The following UBTF variants were observed in gnomAD, a reference collection of about 807,000 sequenced individuals.
UBTF encodes the protein nucleolar transcription factor 1.
A neutral mutation model predicts 112.3 loss-of-function variants in UBTF; 8 were observed. The ratio of observed to expected loss-of-function variants is 0.07; its 90% CI spans 0.04 to 0.13. The LOEUF is 0.13. Among genes scored for constraint, UBTF ranks in the 10% least tolerant of loss-of-function variants. UBTF has a pLI of 1.00. For missense variants in UBTF, 457 were observed against 982.1 expected, an observed-to-expected ratio of 0.47 and a Z score of 7.15; for synonymous variants, 417 against 373.1, an observed-to-expected ratio of 1.12 and a Z score of -1.36.
rs1259814074 is a variant in UBTF, at chr17:44,205,829, T to C, written c.*1413A>G. The C allele has an allele frequency of 1.3e-5, 2 of 152,238 alleles. No individual in the cohort carries two copies. The highest frequency in any genetic ancestry group is 2.9e-5 in the Non-Finnish European group (2 of 68,050). The allele number at this position is 152,238 out of a possible 1,614,324, so 9.4% of individuals were successfully genotyped here. A position where few individuals can be genotyped will look rare whatever the true frequency, so the allele number is the denominator to read the frequency against. On this transcript the variant is annotated 3_prime_UTR_variant, in exon 21 of 21. Coordinates refer to ENST00000436088, the MANE Select transcript of UBTF (RefSeq NM_014233.4). Reference sequence around the variant, plus strand: ...TAAGAACTACAGAGATAAGGTGGCTTGGCTTATTAAGAGTCAAGGAATCAA... The same window carrying C: ...TAAGAACTACAGAGATAAGGTGGCTCGGCTTATTAAGAGTCAAGGAATCAA...
intron 2 of UBTF, among the ~76,000 whole-genome samples, chr17:44,217,062 G>A: frequency 6.6e-6 from 1 of 152,234 alleles, no homozygotes; most frequent in East Asian, 1.9e-4. Flanking sequence ...TGGGAAACGA[G>A]GTAGCTTGTC....
intron 15 of UBTF, 39 bp downstream of exon 15, chr17:44,210,085 A>G (rs760795864): frequency 6.2e-7 from 1 of 1,609,052 alleles, no homozygotes; most frequent in Non-Finnish European, 8.5e-7. Flanking sequence ...GGAGTTCCCG[A>G]GCTTTCAATG....
At position 44,209,335 on chromosome 17, in the gene UBTF, G is replaced by A; in HGVS notation, c.1905+17C>T. ...TGATGCCTCTCTGTTCCTTCCAAGG[G>A]TCCCTTGCCCTCTCACCTTAACCCA... On this transcript the variant is annotated intron_variant, in intron 17 of 20. Transcript: ENST00000436088. 1 of 1,576,036 alleles carries A rather than the reference G, an allele frequency of 6.3e-7. No individual in the cohort carries two copies.
chr17:44,211,190 C>T lies in UBTF; in HGVS notation c.1090-38G>A. The stretch of plus-strand genomic sequence containing the variant: ...GAGGAGCACGGGGCTGCATGCCTGG[C>T]ACCCAGACTGCATGGTGCCCTATCT... On this transcript the variant is annotated intron_variant, in intron 11 of 20. Coordinates refer to ENST00000436088, the MANE Select transcript of UBTF (RefSeq NM_014233.4). The surrounding 1 kb of genome is among the most constrained non-coding windows in gnomAD (Gnocchi z 4.9). 6.2e-7 allele frequency: 1 copy of T among 1,613,044 alleles called. No individual in the cohort carries two copies. Among genetic ancestry groups the T allele is most frequent in the South Asian group, 1.1e-5 (1 of 91,072 alleles).
At chr17:44,219,219 C>T (rs1448039009) in intron 1 of UBTF, 2 of 151,472 alleles carry the variant, frequency 1.3e-5, no homozygotes, top group Non-Finnish European at 3.0e-5. Flanking sequence ...CTGCCGGCTC[C>T]GAGAAGCGCG....
At chr17:44,218,414 TTATTAGACTTAAGGGGTC>T (rs959394145) in intron 1 of UBTF, 118 bp from the exon 2 acceptor site, 8 of 616,902 alleles carry the variant, frequency 1.3e-5, no homozygotes, top group Non-Finnish European at 2.3e-5. Flanking sequence ...AGCCATGACC[TTATTAGACTTAAGGGGTC>T]TATGGGAATG....
At chr17:44,208,210 C>T (rs2056402787) in intron 17 of UBTF, among the ~76,000 whole-genome samples, 1 of 150,458 alleles carries the variant, frequency 6.6e-6, no homozygotes, top group South Asian at 2.1e-4. Context: ...CTCAAGTGAT[C>T]CTTCCAACTC....
chr17:44,207,527 T>C lies in UBTF; in HGVS notation c.2096A>G (p.Asn699Ser). The part of the protein sequence containing the change: ...DEDEEEEDDE[N>S]GDSSEDGGDS... ...GCCGCCATCTTCAGAGGAGTCCCCA[T>C]TCTCATCATCTTCCTCTTCTTCATC... Residue 699 changes from asparagine (N) to serine (S), a missense_variant, in exon 20 of 21, where the codon AAT becomes AGT. Coordinates refer to ENST00000436088, the MANE Select transcript of UBTF (RefSeq NM_014233.4). 1 of 1,614,018 alleles carries C rather than the reference T, an allele frequency of 6.2e-7. No individual in the cohort carries two copies.
rs867735860 is a variant in UBTF, at chr17:44,211,510, C to G, written c.1047+96G>C. On this transcript the variant is annotated intron_variant, in intron 10 of 20. Coordinates refer to ENST00000436088, the MANE Select transcript of UBTF (RefSeq NM_014233.4). The surrounding 1 kb of genome is among the most constrained non-coding windows in gnomAD (Gnocchi z 4.9). ...CCCCACACTGTATTGGAGGCAGGTACCCAAGGCACACGCCACCAGGGACTG... is the reference window on the plus strand; with the variant it reads ...CCCCACACTGTATTGGAGGCAGGTAGCCAAGGCACACGCCACCAGGGACTG... The G allele has an allele frequency of 6.4e-7, 1 of 1,562,272 alleles. No homozygotes were observed. The highest frequency in any genetic ancestry group is 2.2e-5 in the East Asian group (1 of 44,470).
At chr17:44,216,329 A>G in intron 3 of UBTF, 200 bp downstream of exon 3, 1 of 655,576 alleles carries the variant, frequency 1.5e-6, no homozygotes, top group Non-Finnish European at 2.6e-6. Context: ...AAGACCACTC[A>G]GATAGAAAGT....
At position 44,212,647 on chromosome 17, in the gene UBTF, G is replaced by A. The variant is rs2855818; in HGVS notation, c.660+172C>T. The stretch of plus-strand genomic sequence containing the variant: ...CAAGGGGACTGGCTCATACACGCAC[G>A]CACACACGCACACGCTTGCACGCCA... On this transcript the variant is annotated intron_variant, in intron 7 of 20. Transcript: ENST00000436088. Among the ~76,000 whole-genome samples the A allele has an allele frequency of 0.38, 57,900 of 151,866 alleles. 13,188 individuals are homozygous for A. The highest frequency in any genetic ancestry group is 0.69 in the East Asian group (3,526 of 5,110).
chr17:44,207,827 C>T, intron 18 of UBTF, 37 bp downstream of exon 18: 1 of 1,614,162 alleles, frequency 6.2e-7, no homozygotes, highest in Non-Finnish European at 8.5e-7. Context: ...TGAATTCCCC[C>T]ACCCCTACCC....
At position 44,219,588 on chromosome 17, in the gene UBTF, G is replaced by C. The variant is rs1403820506; in HGVS notation, c.-211C>G. 3 of 155,332 alleles carry C rather than the reference G, an allele frequency of 1.9e-5. No individual in the cohort carries two copies. The highest frequency in any genetic ancestry group is 3.9e-5 in the Non-Finnish European group (3 of 77,200). 9.6% of individuals were successfully genotyped at this position (155,332 alleles called of 1,614,324 possible). A position where few individuals can be genotyped will look rare whatever the true frequency, so the allele number is the denominator to read the frequency against. ...CTCCTCCTCCGGGCGAGGCGGCGGC[G>C]CTGGGGCGGCGGCTGCTGCTGCTGT... is the stretch of plus-strand genomic sequence containing the variant. On this transcript the variant is annotated 5_prime_UTR_variant, in exon 1 of 21. Coordinates refer to ENST00000436088, the MANE Select transcript of UBTF (RefSeq NM_014233.4).
chr17:44,212,822 T>C lies in UBTF; in HGVS notation c.657A>G (p.Pro219=), dbSNP rs2056782762. 1.2e-6 allele frequency: 2 copies of C among 1,614,024 alleles called. No homozygotes were observed. Among genetic ancestry groups the C allele is most frequent in the South Asian group, 2.2e-5 (2 of 91,082 alleles). The stretch of plus-strand genomic sequence containing the variant: ...CAACCCTTGGCCGGACACTCACATC[T>C]GGCCGCACTTTGAGATACACCTTCT... ...HEKKVYLKVR[P]DATTKEVKDS... Residue 219 remains proline (P), a synonymous_variant, in exon 7 of 21, where the codon CCA becomes CCG. Coordinates refer to ENST00000436088, the MANE Select transcript of UBTF (RefSeq NM_014233.4).
At position 44,211,493 on chromosome 17, in the gene UBTF, T is replaced by C; in HGVS notation, c.1047+113A>G. ...TGCTAAGCCCAGCCCAGCCCCACAC[T>C]GTATTGGAGGCAGGTACCCAAGGCA... On this transcript the variant is annotated intron_variant, in intron 10 of 20. Transcript: ENST00000436088. The surrounding 1 kb of genome is among the most constrained non-coding windows in gnomAD (Gnocchi z 4.9). The C allele has an allele frequency of 4.5e-6, 7 of 1,552,294 alleles. No homozygotes were observed. Among genetic ancestry groups the C allele is most frequent in the Non-Finnish European group, 6.1e-6 (7 of 1,142,380 alleles).
chr17:44,209,286 G>A (rs1447289158), intron 17 of UBTF, 66 bp downstream of exon 17: 2 of 1,506,140 alleles, frequency 1.3e-6, no homozygotes, highest in African/African-American at 1.4e-5. Context: ...GGATGGGCCA[G>A]GCTAGGATGG....
chr17:44,217,172 G>T (rs1439086883), intron 2 of UBTF, among the ~76,000 whole-genome samples: 1 of 152,110 alleles, frequency 6.6e-6, no homozygotes, highest in African/African-American at 2.4e-5. Context: ...AATGGGGTGT[G>T]GACAGTAAGG....
chr17:44,218,985 C>G (rs2047014962), intron 1 of UBTF: 1 of 150,172 alleles, frequency 6.7e-6, no homozygotes, highest in South Asian at 2.1e-4. Context: ...GGCGCCGCCA[C>G]CGCCCAGCCA....
At chr17:44,217,420 C>T (rs970512026) in intron 2 of UBTF, among the ~76,000 whole-genome samples, 1 of 152,198 alleles carries the variant, frequency 6.6e-6, no homozygotes, top group Admixed American at 6.5e-5. Context: ...AGCCCAACTA[C>T]CCAGGGAAGC....
Sources: gnomAD v4.1 joint callset for allele counts (sites outside exome capture counted in the v4.1 genomes callset) on GRCh38, gnomAD v4.1.1 for gene constraint, Gnocchi (gnomAD v3.1) non-coding constraint, MANE v1.5 for transcripts, NCBI Gene and HGNC (gene_info 2026-07-23, HGNC 2026-07-21) for gene names.